Variants in MAN2A1 observed in about 807,000 individuals in gnomAD.
The protein encoded by MAN2A1 is mannosidase alpha class 2A member 1, also known as alpha-mannosidase 2.
Under a neutral mutation model 142.6 loss-of-function variants are expected in MAN2A1, and 76 were observed. The ratio of observed to expected loss-of-function variants is 0.53; its 90% confidence interval spans 0.44 to 0.65. The LOEUF (loss-of-function observed/expected upper bound fraction) is 0.65, where lower values mean the gene tolerates loss of function less well. MAN2A1 is among the 30% of genes least tolerant of loss of function. MAN2A1 has a pLI of 0.00. For synonymous variants in MAN2A1, 559 were observed against 473.2 expected (o/e 1.18, Z -2.35); for missense variants, 1,311 against 1,365.1 (o/e 0.96, Z 0.62).
Position 109,727,629 on chromosome 5 carries a change from T to A in MAN2A1, c.536-1713T>A, listed in dbSNP as rs143723893. On this transcript the variant is annotated intron_variant, in intron 3 of 21. Coordinates refer to ENST00000261483, the MANE Select transcript of MAN2A1 (RefSeq NM_002372.4). ...GTGTTTTAATTGTATACTTTACAAA[T>A]TGGGTGTTCAGAATATTTTTTATTT... Among the ~76,000 whole-genome samples the A allele has an allele frequency of 2.0e-5, 3 of 152,352 alleles. No homozygotes were observed. The East Asian group carries it at 5.8e-4, about 29-fold the overall frequency.
intron 16 of MAN2A1, among the ~76,000 whole-genome samples, chr5:109,833,702 G>T: frequency 6.6e-6 from 1 of 150,626 alleles, no homozygotes; most frequent in East Asian, 2.0e-4. Context: ...GGAGGGGGAG[G>T]GGGAGGGGGA....
At chr5:109,866,444 G>C (rs1755885715) in intron 21 of MAN2A1, among the ~76,000 whole-genome samples, 1 of 152,092 alleles carries the variant, frequency 6.6e-6, no homozygotes, top group South Asian at 2.1e-4. Flanking sequence ...GGTAAGTATT[G>C]ACTAAAAGAG....
chr5:109,829,936 C>G (rs945501670), intron 16 of MAN2A1, among the ~76,000 whole-genome samples: 2 of 152,174 alleles, frequency 1.3e-5, no homozygotes, highest in African/African-American at 4.8e-5. Flanking sequence ...TGCTGATTTT[C>G]TTGGACCATT....
At chr5:109,847,086 A>G (rs1195608692) in intron 18 of MAN2A1, among the ~76,000 whole-genome samples, 16 of 152,168 alleles carry the variant, frequency 1.1e-4, no homozygotes. Flanking sequence ...ACAATTTTTT[A>G]AAAAACACTA....
At chr5:109,762,420 T>A (rs951209405) in intron 5 of MAN2A1, among the ~76,000 whole-genome samples, 2 of 152,196 alleles carry the variant, frequency 1.3e-5, no homozygotes, top group Non-Finnish European at 1.5e-5. Flanking sequence ...AACAGGTGCA[T>A]GTGCACACAT....
intron 16 of MAN2A1, among the ~76,000 whole-genome samples, chr5:109,831,653 G>C (rs1448985263): frequency 3.9e-5 from 6 of 152,114 alleles, no homozygotes; most frequent in Non-Finnish European, 8.8e-5. Flanking sequence ...GCCTGCACTA[G>C]CTTTTTCTTT....
intron 16 of MAN2A1, among the ~76,000 whole-genome samples, chr5:109,839,520 A>C (rs1325515201): frequency 2.0e-5 from 3 of 151,938 alleles, no homozygotes; most frequent in Non-Finnish European, 4.4e-5. Context: ...TAAAAAAAAA[A>C]AAAGGCATTA....
chr5:109,738,893 G>T (rs533613832), intron 4 of MAN2A1, among the ~76,000 whole-genome samples: 68 of 152,156 alleles, frequency 4.5e-4, no homozygotes, highest in Non-Finnish European at 8.5e-4. Flanking sequence ...TCTCAGGCTG[G>T]AGTGCAGTGG....
chr5:109,784,373 A>G (rs780987431), intron 9 of MAN2A1, among the ~76,000 whole-genome samples: 3 of 152,102 alleles, frequency 2.0e-5, no homozygotes, highest in Admixed American at 6.6e-5. Context: ...TTCATGGTCT[A>G]TGTGTGTGTT....
At chr5:109,801,695 G>A (rs552484599) in intron 12 of MAN2A1, among the ~76,000 whole-genome samples, 18 of 152,060 alleles carry the variant, frequency 1.2e-4, no homozygotes, top group Admixed American at 6.6e-4. Flanking sequence ...CTAGGAGCAG[G>A]TCTATACTGA....
chr5:109,718,374 A>G (rs930946425), intron 3 of MAN2A1, among the ~76,000 whole-genome samples: 1 of 152,216 alleles, frequency 6.6e-6, no homozygotes, highest in Non-Finnish European at 1.5e-5. Flanking sequence ...AATAAAATCC[A>G]TGGTTTACTG....
chr5:109,856,675 A>G (rs1188125218), intron 20 of MAN2A1, among the ~76,000 whole-genome samples: 1 of 152,178 alleles, frequency 6.6e-6, no homozygotes, highest in Admixed American at 6.5e-5. Context: ...TTTTTGAGAG[A>G]GAAGTATTTT....
intron 19 of MAN2A1, among the ~76,000 whole-genome samples, chr5:109,852,367 G>C (rs1453265128): frequency 6.6e-6 from 1 of 151,978 alleles, no homozygotes; most frequent in African/African-American, 2.4e-5. Flanking sequence ...TAAATTAATA[G>C]ATTTACTTCA....
At chr5:109,854,000 A>G (rs948268898) in intron 19 of MAN2A1, 2 of 152,010 alleles carry the variant, frequency 1.3e-5, no homozygotes, top group African/African-American at 2.4e-5. Context: ...ACTTTTTGCT[A>G]GCACCCTTCT....
chr5:109,757,551 G>T (rs1752720651), intron 5 of MAN2A1, among the ~76,000 whole-genome samples: 1 of 152,038 alleles, frequency 6.6e-6, no homozygotes, highest in East Asian at 1.9e-4. Flanking sequence ...TGTGTCTTTT[G>T]CCCAGTGTAA....
intron 16 of MAN2A1, among the ~76,000 whole-genome samples, chr5:109,834,116 C>T (rs1042255151): frequency 1.3e-5 from 2 of 152,056 alleles, no homozygotes; most frequent in African/African-American, 4.8e-5. Flanking sequence ...CCTAAAGGTG[C>T]CTTAGAAAGG....
intron 14 of MAN2A1, 133 bp from the exon 15 acceptor site, chr5:109,820,087 T>C: frequency 2.3e-6 from 2 of 861,414 alleles, no homozygotes; most frequent in Admixed American, 2.7e-5. Flanking sequence ...CGCTACTCCG[T>C]GGTCTGTGTG....
intron 4 of MAN2A1, among the ~76,000 whole-genome samples, chr5:109,745,813 A>G (rs763349851): frequency 7.6e-4 from 115 of 152,214 alleles, no homozygotes; most frequent in Non-Finnish European, 6.0e-4. Flanking sequence ...GATAGGTTTT[A>G]CTATATTTCA....
intron 16 of MAN2A1, among the ~76,000 whole-genome samples, chr5:109,842,022 A>G (rs1450163059): frequency 6.6e-6 from 1 of 152,162 alleles, no homozygotes; most frequent in Non-Finnish European, 1.5e-5. Flanking sequence ...TTTTCATTTC[A>G]TGTCCTGTTT....
Sources: gnomAD v4.1 joint callset for allele counts (sites outside exome capture counted in the v4.1 genomes callset) on GRCh38, gnomAD v4.1.1 for gene constraint, MANE v1.5 for transcripts, NCBI Gene and HGNC (gene_info 2026-07-23, HGNC 2026-07-21) for gene names.